The following KCNQ1OT1 variants were observed in gnomAD, a reference collection of about 807,000 sequenced individuals.
The protein encoded by KCNQ1OT1 is KCNQ1 antisense RNA 2 (non-protein coding).
chr11:2,626,443 T>G lies in KCNQ1OT1; in HGVS notation n.73552A>C. 2.5e-6 allele frequency: 1 copy of G among 398,628 alleles called. No homozygotes were observed. Among genetic ancestry groups the G allele is most frequent in the African/African-American group, 2.1e-5 (1 of 48,760 alleles). 24.7% of individuals were successfully genotyped at this position (398,628 alleles called of 1,614,324 possible). On this transcript the variant is annotated non_coding_transcript_exon_variant, in exon 1 of 1. Transcript: ENST00000597346. The surrounding 1 kb of genome is among the most constrained non-coding windows in gnomAD (Gnocchi z 4.0). ...TTTGATCATGTATACAAGGGTTTAT[T>G]TTTGGGCTCTCTATTCAATTCCATT...
chr11:2,675,788 G>A (rs911210461), exon 1 of KCNQ1OT1: 6 of 398,592 alleles, frequency 1.5e-5, no homozygotes, highest in South Asian at 1.3e-4. Context: ...GCTGCTGCCC[G>A]CAGGGCATAC....
chr11:2,650,346 C>G, exon 1 of KCNQ1OT1: 1 of 398,300 alleles, frequency 2.5e-6, no homozygotes, highest in South Asian at 1.3e-4. Context: ...TTTTTGTGTC[C>G]CCAAGTTGAT....
rs1163498769 is a variant in KCNQ1OT1, at chr11:2,620,107, C to G, written n.79888G>C. On this transcript the variant is annotated non_coding_transcript_exon_variant, in exon 1 of 1. Transcript: ENST00000597346. The surrounding 1 kb of genome is among the most constrained non-coding windows in gnomAD (Gnocchi z 4.5). ...GGTCCCACTTGCAAGTGGTAACATG[C>G]AGTATTTGGTTTTCTGTTCCTGCAT... 4.8e-5 allele frequency: 19 copies of G among 397,988 alleles called. No individual in the cohort carries two copies. Among genetic ancestry groups the G allele is most frequent in the Non-Finnish European group, 1.3e-5 (3 of 225,968 alleles). The allele number at this position is 397,988 out of a possible 1,614,324, so 24.7% of individuals were successfully genotyped here.
Position 2,654,338 on chromosome 11 carries a change from C to G in KCNQ1OT1, n.45657G>C. 1 of 398,708 alleles carries G rather than the reference C, an allele frequency of 2.5e-6. No homozygotes were observed. Among genetic ancestry groups the G allele is most frequent in the Non-Finnish European group, 4.4e-6 (1 of 226,254 alleles). The allele number at this position is 398,708 out of a possible 1,614,324, so 24.7% of individuals were successfully genotyped here. On this transcript the variant is annotated non_coding_transcript_exon_variant, in exon 1 of 1. Transcript: ENST00000597346. This position sits in a 1 kb window ranked among gnomAD's most constrained non-coding sequence, Gnocchi z 6.4. ...GGGCCAGGGAGGGGGCTTCTACTTGCAAAGGATAGGGAGAGCTTCTGTTCA... is the reference window on the plus strand; with the variant it reads ...GGGCCAGGGAGGGGGCTTCTACTTGGAAAGGATAGGGAGAGCTTCTGTTCA...
At chr11:2,643,774 C>T (rs990036425) in exon 1 of KCNQ1OT1, 1 of 398,410 alleles carries the variant, frequency 2.5e-6, no homozygotes, top group African/African-American at 2.1e-5. Flanking sequence ...TTTGTAGTGC[C>T]AGTGTAGTGG....
exon 1 of KCNQ1OT1, chr11:2,614,701 T>G (rs910949591): frequency 2.5e-6 from 1 of 398,400 alleles, no homozygotes; most frequent in Non-Finnish European, 4.4e-6. Flanking sequence ...AGTGTTTATT[T>G]CTACATTCTC....
At chr11:2,660,854 G>C in exon 1 of KCNQ1OT1, 1 of 398,600 alleles carries the variant, frequency 2.5e-6, no homozygotes, top group Non-Finnish European at 4.4e-6. Flanking sequence ...CAGTATGTCA[G>C]CTTTTAAGAA....
rs1370554953 is a variant in KCNQ1OT1, at chr11:2,695,388, A to T, written n.4607T>A. ...AGTACTGCGTGTCTGGGTGGTGTGT[A>T]ATTTTAATTTAAATACACAGTCATG... On this transcript the variant is annotated non_coding_transcript_exon_variant, in exon 1 of 1. Transcript: ENST00000597346. The surrounding 1 kb of genome is among the most constrained non-coding windows in gnomAD (Gnocchi z 5.2). 1 of 398,296 alleles carries T rather than the reference A, an allele frequency of 2.5e-6. No individual in the cohort carries two copies. The highest frequency in any genetic ancestry group is 2.1e-5 in the African/African-American group (1 of 48,558). 24.7% of individuals were successfully genotyped at this position (398,296 alleles called of 1,614,324 possible). A position where few individuals can be genotyped will look rare whatever the true frequency, so the allele number is the denominator to read the frequency against.
chr11:2,609,071 T>C (rs970484077), exon 1 of KCNQ1OT1: 4 of 398,340 alleles, frequency 1.0e-5, no homozygotes, highest in Non-Finnish European at 1.8e-5. Flanking sequence ...CTACTTGCTT[T>C]AGGTTTAGTT....
exon 1 of KCNQ1OT1, chr11:2,619,470 T>C (rs1849127565): frequency 2.5e-6 from 1 of 398,630 alleles, no homozygotes; most frequent in Non-Finnish European, 4.4e-6. Flanking sequence ...ATCACATTGA[T>C]TGCTACATGT....
exon 1 of KCNQ1OT1, chr11:2,648,791 T>C (rs1328648098): frequency 2.5e-6 from 1 of 398,398 alleles, no homozygotes; most frequent in Non-Finnish European, 4.4e-6. Flanking sequence ...AATTGTCCAA[T>C]GCTGAGTATG....
chr11:2,643,268 C>T, exon 1 of KCNQ1OT1: 1 of 398,180 alleles, frequency 2.5e-6, no homozygotes, highest in Non-Finnish European at 4.4e-6. Context: ...AATTGAAGTT[C>T]CCAAGATTAT....
chr11:2,628,496 A>C, exon 1 of KCNQ1OT1: 1 of 398,364 alleles, frequency 2.5e-6, no homozygotes, highest in Non-Finnish European at 4.4e-6. Context: ...TGGGTTATTA[A>C]GTTTTTTTGC....
At chr11:2,688,511 T>C (rs2283188) in exon 1 of KCNQ1OT1, 5,756 of 398,598 alleles carry the variant, frequency 0.014, 203 homozygotes, top group East Asian at 0.096. Context: ...GGTGATGAGG[T>C]AGAGGTCACA....
chr11:2,642,654 T>C lies in KCNQ1OT1; in HGVS notation n.57341A>G. On this transcript the variant is annotated non_coding_transcript_exon_variant, in exon 1 of 1. Transcript: ENST00000597346. The surrounding 1 kb of genome is among the most constrained non-coding windows in gnomAD (Gnocchi z 4.3). ...TGATCCTTTATATTTATTTAGTTTCTTGTTTAGTTCTGCTCTGATCTTCGT... is the reference window on the plus strand; with the variant it reads ...TGATCCTTTATATTTATTTAGTTTCCTGTTTAGTTCTGCTCTGATCTTCGT... The C allele has an allele frequency of 2.5e-6, 1 of 397,978 alleles. No individual in the cohort carries two copies. The allele number at this position is 397,978 out of a possible 1,614,324, so 24.7% of individuals were successfully genotyped here.
In KCNQ1OT1 at chr11:2,687,708, G is replaced by T; in HGVS notation, n.12287C>A. On this transcript the variant is annotated non_coding_transcript_exon_variant, in exon 1 of 1. Transcript: ENST00000597346. The surrounding 1 kb of genome is among the most constrained non-coding windows in gnomAD (Gnocchi z 5.0). ...GGGTTCAGTGTTGGAATGGGTCTGG[G>T]CCCAGATTTCAAGCCAGTAACCAGC... is the stretch of plus-strand genomic sequence containing the variant. 1 of 398,706 alleles carries T rather than the reference G, an allele frequency of 2.5e-6. No homozygotes were observed. Among genetic ancestry groups the T allele is most frequent in the Middle Eastern group, 6.3e-4 (1 of 1,590 alleles). The allele number at this position is 398,706 out of a possible 1,614,324, so 24.7% of individuals were successfully genotyped here.
chr11:2,694,651 A>G, exon 1 of KCNQ1OT1: 2 of 398,542 alleles, frequency 5.0e-6, no homozygotes, highest in East Asian at 7.1e-5. Context: ...TCTGTGACAC[A>G]CCCACCATGT....
Position 2,649,769 on chromosome 11 carries a change from G to C in KCNQ1OT1, n.50226C>G, listed in dbSNP as rs1849729422. On this transcript the variant is annotated non_coding_transcript_exon_variant, in exon 1 of 1. Transcript: ENST00000597346. Reference sequence around the variant, plus strand: ...GACAGTTTGATGAAAATGTGCCTCAGAGAGGCCCTTTTAGGGTTGAATCTA... The same window carrying C: ...GACAGTTTGATGAAAATGTGCCTCACAGAGGCCCTTTTAGGGTTGAATCTA... 4 of 398,490 alleles carry C rather than the reference G, an allele frequency of 1.0e-5. No individual in the cohort carries two copies. The East Asian group carries it at 1.4e-4, about 14-fold the overall frequency. The allele number at this position is 398,490 out of a possible 1,614,324, so 24.7% of individuals were successfully genotyped here. A position where few individuals can be genotyped will look rare whatever the true frequency, so the allele number is the denominator to read the frequency against.
chr11:2,661,803 C>T lies in KCNQ1OT1; in HGVS notation n.38192G>A, dbSNP rs1849960872. 1 of 847,038 alleles carries T rather than the reference C, an allele frequency of 1.2e-6. No individual in the cohort carries two copies. Among genetic ancestry groups the T allele is most frequent in the Non-Finnish European group, 1.9e-6 (1 of 523,372 alleles). 52.5% of individuals were successfully genotyped at this position (847,038 alleles called of 1,614,324 possible). On this transcript the variant is annotated non_coding_transcript_exon_variant, in exon 1 of 1. Transcript: ENST00000597346. This position sits in a 1 kb window ranked among gnomAD's most constrained non-coding sequence, Gnocchi z 5.9. ...CTTTGGGGCCATCTTAAACACCCAC[C>T]CACCCCAACACCCAACTATAAAACT...
Sources: gnomAD v4.1 joint callset for allele counts on GRCh38, gnomAD v4.1.1 for gene constraint, Gnocchi (gnomAD v3.1) non-coding constraint, MANE v1.5 for transcripts, NCBI Gene and HGNC (gene_info 2026-07-23, HGNC 2026-07-21) for gene names.